Variants in RCSD1 observed in about 807,000 individuals in gnomAD.
The protein encoded by RCSD1 is RCSD domain containing 1, also known as capZ-interacting protein.
Under a neutral mutation model 42.5 loss-of-function variants are expected in RCSD1, and 26 were observed. The ratio of observed to expected loss-of-function variants is 0.61; its 90% confidence interval spans 0.45 to 0.85. The LOEUF is 0.85. Among genes scored for constraint, RCSD1 ranks in the 40% least tolerant of loss-of-function variants. RCSD1 has a pLI of 0.00. For missense variants in RCSD1, 571 were observed against 528.3 expected, an observed-to-expected ratio of 1.08 and a Z score of -0.79; for synonymous variants, 220 against 212.2, an observed-to-expected ratio of 1.04 and a Z score of -0.32.
At chr1:167,700,641 A>G (rs1659616104) in intron 6 of RCSD1, among the ~76,000 whole-genome samples, 1 of 150,280 alleles carries the variant, frequency 6.7e-6, no homozygotes, top group Non-Finnish European at 1.5e-5. Context: ...ACAGAGCAAG[A>G]TTCCGTCTCA....
At chr1:167,697,904 A>G (rs1212284099) in intron 6 of RCSD1, 62 bp downstream of exon 6, 34 of 1,436,878 alleles carry the variant, frequency 2.4e-5, no homozygotes, top group Non-Finnish European at 2.9e-5. Flanking sequence ...TGCCTCTGTC[A>G]CATGTCCTGT....
rs1267687973 is a variant in RCSD1, at chr1:167,690,139, G to A, written c.270+19G>A. On this transcript the variant is annotated intron_variant, in intron 4 of 6. Transcript: ENST00000367854. The stretch of plus-strand genomic sequence containing the variant: ...GCTTCAGGTAAGTGCAGAATTCATT[G>A]TCTATTGCTACCTTTTATCTAACTC... 1 of 1,611,762 alleles carries A rather than the reference G, an allele frequency of 6.2e-7. No individual in the cohort carries two copies. Among genetic ancestry groups the A allele is most frequent in the Non-Finnish European group, 8.5e-7 (1 of 1,178,104 alleles).
chr1:167,642,782 C>A (rs1020535088), intron 1 of RCSD1, among the ~76,000 whole-genome samples: 13 of 152,192 alleles, frequency 8.5e-5, no homozygotes, highest in Admixed American at 8.5e-4. Flanking sequence ...AGTTATATAA[C>A]ACTTAGAATC....
chr1:167,683,929 G>A lies in RCSD1; in HGVS notation c.36G>A (p.Val12=). The A allele has an allele frequency of 1.9e-6, 3 of 1,614,218 alleles. No individual in the cohort carries two copies. The highest frequency in any genetic ancestry group is 1.3e-5 in the African/African-American group (1 of 75,062). Residue 12 remains valine (V), a synonymous_variant, in exon 2 of 7, where the codon GTG becomes GTA. Coordinates refer to ENST00000367854, the MANE Select transcript of RCSD1 (RefSeq NM_052862.4). The part of the protein sequence containing the change: ...EERPAETNAN[V]DNSASPSVAQ... The stretch of plus-strand genomic sequence containing the variant: ...GACCGGCAGAGACCAATGCCAATGT[G>A]GACAACTCGGCGTCCCCCTCGGTGG...
chr1:167,704,195 G>A (rs1659705785), intron 6 of RCSD1, among the ~76,000 whole-genome samples: 1 of 152,064 alleles, frequency 6.6e-6, no homozygotes, highest in Non-Finnish European at 1.5e-5. Context: ...AACTCTTTCT[G>A]TCCTTTTTCC....
chr1:167,675,207 GAAAAAAAA>G (rs34426324), intron 1 of RCSD1, among the ~76,000 whole-genome samples: 86 of 49,156 alleles, frequency 1.7e-3, no homozygotes, highest in African/African-American at 8.8e-3. Context: ...CTCCATCTCG[GAAAAAAAA>G]AAAAAAAAAA....
chr1:167,657,747 A>G (rs558590967), intron 1 of RCSD1, among the ~76,000 whole-genome samples: 2 of 152,140 alleles, frequency 1.3e-5, no homozygotes, highest in East Asian at 1.9e-4. Context: ...CGTCCTGGAG[A>G]GCAGAGCTTA....
chr1:167,700,156 C>A (rs1160723187), intron 6 of RCSD1, among the ~76,000 whole-genome samples: 1 of 151,990 alleles, frequency 6.6e-6, no homozygotes, highest in Non-Finnish European at 1.5e-5. Context: ...ATTGTCTGAC[C>A]CAAAAGAAAT....
At chr1:167,661,650 G>C (rs1375841106) in intron 1 of RCSD1, among the ~76,000 whole-genome samples, 1 of 152,222 alleles carries the variant, frequency 6.6e-6, no homozygotes, top group Admixed American at 6.5e-5. Flanking sequence ...ATGTGCTGAG[G>C]TGGTGGGATA....
At chr1:167,689,160 G>A (rs1311140462) in intron 3 of RCSD1, among the ~76,000 whole-genome samples, 2 of 151,984 alleles carry the variant, frequency 1.3e-5, no homozygotes, top group African/African-American at 2.4e-5. Flanking sequence ...TGTCTGGGAC[G>A]TAGTAAATAC....
intron 6 of RCSD1, among the ~76,000 whole-genome samples, chr1:167,699,085 A>C (rs1025624214): frequency 5.3e-5 from 8 of 152,034 alleles, no homozygotes; most frequent in African/African-American, 1.9e-4. Context: ...GGCGTGAGCC[A>C]CCGCGCCCGG....
At chr1:167,641,896 A>T (rs867259435) in intron 1 of RCSD1, 1 of 152,202 alleles carries the variant, frequency 6.6e-6, no homozygotes, top group Non-Finnish European at 1.5e-5. Flanking sequence ...TAACCATGCC[A>T]CAATCTTAGT....
intron 3 of RCSD1, among the ~76,000 whole-genome samples, chr1:167,687,060 T>C (rs1328522322): frequency 6.6e-6 from 1 of 152,184 alleles, no homozygotes; most frequent in Non-Finnish European, 1.5e-5. Flanking sequence ...TGGAAATGCA[T>C]TCACAGGTTT....
intron 1 of RCSD1, among the ~76,000 whole-genome samples, chr1:167,655,085 C>T (rs565788970): frequency 2.6e-5 from 4 of 152,222 alleles, no homozygotes; most frequent in South Asian, 4.1e-4. Context: ...CTCTTGTTTC[C>T]GAAGCTGGAT....
chr1:167,651,985 G>T (rs1571678924), intron 1 of RCSD1, among the ~76,000 whole-genome samples: 1 of 149,692 alleles, frequency 6.7e-6, no homozygotes, highest in Admixed American at 6.6e-5. Context: ...ATGGGAGGAG[G>T]TTCCCCCAGC....
intron 1 of RCSD1, among the ~76,000 whole-genome samples, chr1:167,646,661 C>T (rs574407058): frequency 3.3e-4 from 51 of 152,278 alleles, no homozygotes; most frequent in African/African-American, 1.2e-3. Flanking sequence ...TAGCTATTGT[C>T]CTGATGCTCG....
At chr1:167,689,376 G>A (rs1002154949) in intron 3 of RCSD1, among the ~76,000 whole-genome samples, 3 of 151,746 alleles carry the variant, frequency 2.0e-5, no homozygotes, top group African/African-American at 7.3e-5. Context: ...CAGCTACTTG[G>A]GAGGCAGAGA....
At chr1:167,693,243 A>G (rs1659418150) in intron 4 of RCSD1, among the ~76,000 whole-genome samples, 1 of 152,106 alleles carries the variant, frequency 6.6e-6, no homozygotes, top group Non-Finnish European at 1.5e-5. Flanking sequence ...TGATTTGGGA[A>G]TGCAGAGGGC....
chr1:167,699,059 A>G (rs1317069192), intron 6 of RCSD1, among the ~76,000 whole-genome samples: 1 of 151,896 alleles, frequency 6.6e-6, no homozygotes, highest in Non-Finnish European at 1.5e-5. Context: ...CGGCCTCCCA[A>G]AGTGCTGGGA....
Sources: gnomAD v4.1 joint callset for allele counts (sites outside exome capture counted in the v4.1 genomes callset) on GRCh38, gnomAD v4.1.1 for gene constraint, MANE v1.5 for transcripts, NCBI Gene and HGNC (gene_info 2026-07-23, HGNC 2026-07-21) for gene names.